ENOX1: variants seen among roughly 807,000 people sequenced by gnomAD.
The protein encoded by ENOX1 is ecto-NOX disulfide-thiol exchanger 1.
In ENOX1, 42 loss-of-function variants were observed where a neutral mutation model predicts 82.5. That is an observed-to-expected ratio of 0.51 (90% CI 0.40 to 0.66). The LOEUF (loss-of-function observed/expected upper bound fraction) is 0.66. Ranked by LOEUF, ENOX1 falls within the 30% of genes least tolerant of loss-of-function variation. The pLI, the probability that ENOX1 is intolerant of heterozygous loss-of-function variation, is 0.00. For missense variants in ENOX1, 608 were observed against 811.6 expected (o/e 0.75, Z 3.05); for synonymous variants, 271 against 282.2 (o/e 0.96, Z 0.40).
At chr13:43,501,298 T>C (rs905580958) in intron 2 of ENOX1, among the ~76,000 whole-genome samples, 2 of 151,706 alleles carry the variant, frequency 1.3e-5, no homozygotes, top group African/African-American at 4.8e-5. Flanking sequence ...AGAGTCAGTT[T>C]AACAGGAAGA....
intron 10 of ENOX1, among the ~76,000 whole-genome samples, chr13:43,322,936 A>C (rs1372912496): frequency 6.6e-6 from 1 of 152,266 alleles, no homozygotes; most frequent in Non-Finnish European, 1.5e-5. Flanking sequence ...GTGTGACATT[A>C]GGAAGGATTC....
At position 43,224,064 on chromosome 13, in the gene ENOX1, G is replaced by T. The variant is rs1261441838; in HGVS notation, c.1789C>A (p.Leu597Met). The part of the protein sequence containing the change: ...IEYLWSYMQQ[L>M]DSKISANEIE... ...GCAAAATAATTTACCTTGGAGTCCA[G>T]CTGCTGCATGTATGACCAAAGATAT... Residue 597 changes from leucine (L) to methionine (M), a missense_variant, in exon 16 of 17, where the codon CTG becomes ATG. By Grantham distance (15) the Leu-to-Met change is conservative. Transcript: ENST00000690772. 6.2e-7 allele frequency: 1 copy of T among 1,613,566 alleles called. No homozygotes were observed. The highest frequency in any genetic ancestry group is 1.3e-5 in the African/African-American group (1 of 74,920).
At chr13:43,505,058 A>AAAC (rs2077105475) in intron 2 of ENOX1, among the ~76,000 whole-genome samples, 1 of 151,832 alleles carries the variant, frequency 6.6e-6, no homozygotes, top group South Asian at 2.1e-4. Flanking sequence ...GAAATAAAAG[A>AAAC]AACACCTATC....
At chr13:43,621,145 G>A (rs913791729) in intron 2 of ENOX1, among the ~76,000 whole-genome samples, 2 of 152,112 alleles carry the variant, frequency 1.3e-5, no homozygotes, top group Non-Finnish European at 2.9e-5. Context: ...TTATGTGCGA[G>A]GTGAGTCTCC....
At chr13:43,356,568 A>G (rs1337663925) in intron 7 of ENOX1, among the ~76,000 whole-genome samples, 1 of 152,146 alleles carries the variant, frequency 6.6e-6, no homozygotes, top group Non-Finnish European at 1.5e-5. Context: ...TCAGCTTACT[A>G]TAATTCTACT....
intron 2 of ENOX1, among the ~76,000 whole-genome samples, chr13:43,593,504 A>G (rs556038200): frequency 1.3e-5 from 2 of 148,672 alleles, no homozygotes; most frequent in South Asian, 4.2e-4. Context: ...AAGCCCTTCG[A>G]AGCTCACCTG....
chr13:43,284,375 G>A (rs1280755323), intron 12 of ENOX1, among the ~76,000 whole-genome samples: 1 of 152,206 alleles, frequency 6.6e-6, no homozygotes, highest in Non-Finnish European at 1.5e-5. Context: ...GTAACACACT[G>A]ACTCAGCAAA....
chr13:43,732,962 G>A (rs1045091450), intron 1 of ENOX1, among the ~76,000 whole-genome samples: 33 of 152,140 alleles, frequency 2.2e-4, no homozygotes, highest in African/African-American at 6.5e-4. Context: ...CTAATTGCAC[G>A]GAGGCACACA....
At chr13:43,593,715 CACACACACAG>C (rs1566596043) in intron 2 of ENOX1, among the ~76,000 whole-genome samples, 1 of 135,264 alleles carries the variant, frequency 7.4e-6, no homozygotes, top group Non-Finnish European at 1.6e-5. Context: ...CACACACACA[CACACACACAG>C]GCACTCCCTT....
intron 13 of ENOX1, among the ~76,000 whole-genome samples, chr13:43,268,613 T>C (rs932047349): frequency 3.9e-5 from 6 of 152,204 alleles, no homozygotes; most frequent in African/African-American, 9.7e-5. Context: ...GAGCTGACTT[T>C]ATATTTTCTC....
chr13:43,571,899 G>C (rs1473858001), intron 2 of ENOX1, among the ~76,000 whole-genome samples: 1 of 151,954 alleles, frequency 6.6e-6, no homozygotes, highest in Admixed American at 6.6e-5. Flanking sequence ...TGGGGCGGTG[G>C]GGGTGGTGCA....
At chr13:43,589,637 A>ATACTTG (rs61452050) in intron 2 of ENOX1, among the ~76,000 whole-genome samples, 142,854 of 152,212 alleles carry the variant, frequency 0.94, 67,628 homozygotes, top group South Asian at 1. Flanking sequence ...CCAAGTAGCC[A>ATACTTG]GACTATAGGC....
chr13:43,350,004 C>T (rs1401487550), intron 8 of ENOX1, among the ~76,000 whole-genome samples: 1 of 152,166 alleles, frequency 6.6e-6, no homozygotes, highest in Admixed American at 6.6e-5. Flanking sequence ...GCATGAATTA[C>T]CTAATTCTAC....
At chr13:43,499,041 C>A (rs118054957) in intron 2 of ENOX1, among the ~76,000 whole-genome samples, 3 of 152,100 alleles carry the variant, frequency 2.0e-5, no homozygotes, top group Admixed American at 1.3e-4. Context: ...GATAAATGTA[C>A]TTTACCACTG....
At chr13:43,451,283 A>G (rs1180144042) in intron 3 of ENOX1, among the ~76,000 whole-genome samples, 2 of 152,222 alleles carry the variant, frequency 1.3e-5, no homozygotes, top group African/African-American at 4.8e-5. Context: ...TTTTATAGGT[A>G]AGGGAACTCA....
intron 1 of ENOX1, among the ~76,000 whole-genome samples, chr13:43,701,101 GT>G (rs1456607959): frequency 2.6e-5 from 4 of 152,078 alleles, no homozygotes; most frequent in Non-Finnish European, 4.4e-5. Flanking sequence ...GTTCCAATTA[GT>G]TTTACGCATT....
rs967638046 is a variant in ENOX1 at position 43,272,971 on chromosome 13, T to C, written c.1447-3394A>G. The stretch of plus-strand genomic sequence containing the variant: ...TGCCAGCTAGTATTCCAGGTTCTTT[T>C]CTTCTCACTACACGCTCTCTCCAGG... On this transcript the variant is annotated intron_variant, in intron 12 of 16. Transcript: ENST00000690772. Among the ~76,000 whole-genome samples the C allele has an allele frequency of 3.3e-5, 5 of 152,252 alleles. No individual in the cohort carries two copies. The East Asian group carries it at 9.7e-4, about 29-fold the overall frequency.
intron 2 of ENOX1, among the ~76,000 whole-genome samples, chr13:43,616,138 C>CTAGA (rs2082428353): frequency 6.9e-4 from 15 of 21,634 alleles, no homozygotes; most frequent in Admixed American, 1.6e-3. Context: ...ATCTATCTAT[C>CTAGA]TAGATATCTA....
intron 11 of ENOX1, among the ~76,000 whole-genome samples, chr13:43,318,870 G>C (rs2047658640): frequency 6.6e-6 from 1 of 152,138 alleles, no homozygotes; most frequent in Non-Finnish European, 1.5e-5. Flanking sequence ...AACGTATCGG[G>C]TTTTGCCATC....
Sources: gnomAD v4.1 joint callset for allele counts (sites outside exome capture counted in the v4.1 genomes callset) on GRCh38, gnomAD v4.1.1 for gene constraint, MANE v1.5 for transcripts, NCBI Gene and HGNC (gene_info 2026-07-23, HGNC 2026-07-21) for gene names.